Variants in SAP130 observed in about 807,000 individuals in gnomAD.
The protein encoded by SAP130 is histone deacetylase complex subunit SAP130.
SAP130 carries 16 observed loss-of-function variants against 103.2 expected under a neutral mutation model. That is an observed-to-expected ratio of 0.16 (90% confidence interval 0.10 to 0.24). The LOEUF (loss-of-function observed/expected upper bound fraction) is 0.24, where lower values mean the gene tolerates loss of function less well. Ranked by LOEUF, SAP130 falls within the 10% of genes least tolerant of loss-of-function variation. SAP130 has a pLI of 1.00. For missense variants in SAP130, 990 were observed against 1,359.7 expected (o/e 0.73, Z 4.28); for synonymous variants, 477 against 497.0 (o/e 0.96, Z 0.53).
At chr2:127,959,123 A>C (rs928045529) in intron 15 of SAP130, among the ~76,000 whole-genome samples, 1 of 150,016 alleles carries the variant, frequency 6.7e-6, no homozygotes, top group African/African-American at 2.4e-5. Context: ...GAGCTGCTGA[A>C]AAGTGAGGAG....
At chr2:127,959,324 G>C (rs967253353) in intron 15 of SAP130, among the ~76,000 whole-genome samples, 7 of 152,188 alleles carry the variant, frequency 4.6e-5, no homozygotes, top group Non-Finnish European at 8.8e-5. Flanking sequence ...CCAAGAAAAA[G>C]GGGTGGCTTG....
chr2:127,951,123 A>T (rs1244493592), intron 16 of SAP130, among the ~76,000 whole-genome samples: 1 of 152,230 alleles, frequency 6.6e-6, no homozygotes, highest in African/African-American at 2.4e-5. Context: ...CACAAGTCAC[A>T]CAAGTATGAA....
At position 127,986,720 on chromosome 2, in the gene SAP130, C is replaced by T. The variant is rs1276920669; in HGVS notation, c.1958+65G>A. The T allele has an allele frequency of 2.1e-6, 3 of 1,460,840 alleles. No homozygotes were observed. The African/African-American group carries it at 4.2e-5, about 20-fold the overall frequency. 90.5% of individuals were successfully genotyped at this position (1,460,840 alleles called of 1,614,324 possible). On this transcript the variant is annotated intron_variant, in intron 14 of 20. Transcript: ENST00000643581. This position sits in a 1 kb window ranked among gnomAD's most constrained non-coding sequence, Gnocchi z 4.7. ...TTGATACCAGCATTAGATAAGAGTG[C>T]CTATTATGTATACCAGTTATATCCA...
At chr2:127,962,040 A>G (rs1483155455) in intron 15 of SAP130, among the ~76,000 whole-genome samples, 1 of 152,220 alleles carries the variant, frequency 6.6e-6, no homozygotes, top group African/African-American at 2.4e-5. Context: ...TCTGAATAAT[A>G]AATTACCACA....
At chr2:128,016,311 A>G in intron 4 of SAP130, 78 bp downstream of exon 4, 1 of 1,417,488 alleles carries the variant, frequency 7.1e-7, no homozygotes, top group African/African-American at 1.4e-5. Flanking sequence ...TGACTAATGT[A>G]CTGCTAGCAT....
chr2:127,952,277 C>A (rs542414111), intron 16 of SAP130, among the ~76,000 whole-genome samples: 29 of 151,802 alleles, frequency 1.9e-4, no homozygotes, highest in Non-Finnish European at 2.8e-4. Flanking sequence ...ATGGTGAAAC[C>A]CCATCTCTAC....
intron 15 of SAP130, among the ~76,000 whole-genome samples, chr2:127,956,438 G>A (rs1056322577): frequency 2.6e-5 from 4 of 152,034 alleles, no homozygotes; most frequent in Non-Finnish European, 5.9e-5. Flanking sequence ...CCTGGGGCTT[G>A]CATTTGGCGT....
chr2:127,942,199 C>T lies in SAP130; in HGVS notation c.3016-35G>A, dbSNP rs758403332. On this transcript the variant is annotated intron_variant, in intron 20 of 20. Coordinates refer to ENST00000643581, the MANE Select transcript of SAP130 (RefSeq NM_001330301.2). This position sits in a 1 kb window ranked among gnomAD's most constrained non-coding sequence, Gnocchi z 4.8. ...AAGACATTGCATCATCAATCAGTGA[C>T]CATGAGGATAGTACAGCTTTTAAAA... 13 of 1,558,606 alleles carry T rather than the reference C, an allele frequency of 8.3e-6. No homozygotes were observed. The East Asian group carries it at 2.5e-4, about 30-fold the overall frequency.
chr2:128,003,107 C>A (rs544306168), intron 7 of SAP130, among the ~76,000 whole-genome samples: 1 of 150,738 alleles, frequency 6.6e-6, no homozygotes, highest in Non-Finnish European at 1.5e-5. Context: ...CCAGCCTGGG[C>A]GACACATGAG....
intron 11 of SAP130, 32 bp from the exon 12 acceptor site, chr2:127,993,340 T>G (rs377017295): frequency 2.5e-6 from 4 of 1,575,428 alleles, no homozygotes; most frequent in Non-Finnish European, 3.4e-6. Flanking sequence ...GCAAACAAAA[T>G]AGTCATTTTC....
chr2:127,993,703 C>G (rs192569897), intron 11 of SAP130, among the ~76,000 whole-genome samples: 2 of 152,252 alleles, frequency 1.3e-5, no homozygotes, highest in South Asian at 2.1e-4. Context: ...CAATTTCATT[C>G]AAACTGCTTC....
At chr2:128,008,860 T>C (rs1684175458) in intron 7 of SAP130, among the ~76,000 whole-genome samples, 1 of 152,008 alleles carries the variant, frequency 6.6e-6, no homozygotes. Flanking sequence ...TACTTTTTTA[T>C]TTTTTAAAGA....
At chr2:127,990,495 T>C (rs1315541547) in intron 12 of SAP130, among the ~76,000 whole-genome samples, 1 of 152,220 alleles carries the variant, frequency 6.6e-6, no homozygotes, top group Non-Finnish European at 1.5e-5. Context: ...TGTTGGAACT[T>C]GTTTTCAAAG....
chr2:128,016,172 CT>C (rs1684762309), intron 4 of SAP130, among the ~76,000 whole-genome samples: 1 of 151,950 alleles, frequency 6.6e-6, no homozygotes, highest in Non-Finnish European at 1.5e-5. Flanking sequence ...CTAGTAGCTG[CT>C]CAATAAATTC....
At chr2:128,023,054 C>T (rs912081352) in intron 2 of SAP130, among the ~76,000 whole-genome samples, 12 of 150,984 alleles carry the variant, frequency 7.9e-5, no homozygotes, top group East Asian at 3.9e-4. Context: ...AGTGCAGTGG[C>T]GCTATCTTGG....
At chr2:127,964,423 G>A (rs1680484232) in intron 15 of SAP130, among the ~76,000 whole-genome samples, 1 of 150,442 alleles carries the variant, frequency 6.6e-6, no homozygotes, top group Admixed American at 6.7e-5. Context: ...GAATCCAGGA[G>A]GTGGAGTTTG....
In SAP130 at chr2:127,950,774, G is replaced by A. The variant is rs563206966; in HGVS notation, c.2423-366C>T. ...GAGAGAGAGCAGGTGTGATCTCCTT[G>A]TCTTCTTTCTGTGATCCTGGAACTC... On this transcript the variant is annotated intron_variant, in intron 16 of 20. Transcript: ENST00000643581. 9.3e-4 allele frequency among the ~76,000 whole-genome samples: 141 copies of A among 152,270 alleles called. No homozygotes were observed. In the Middle Eastern group the frequency reaches 0.01, roughly 11 times the overall value.
chr2:127,969,001 AT>A (rs1323751364), intron 15 of SAP130, among the ~76,000 whole-genome samples: 1 of 152,166 alleles, frequency 6.6e-6, no homozygotes, highest in Non-Finnish European at 1.5e-5. Flanking sequence ...ATAACTTACT[AT>A]TTATCTTTCC....
At chr2:127,982,568 G>C (rs943226815) in intron 14 of SAP130, among the ~76,000 whole-genome samples, 1 of 152,210 alleles carries the variant, frequency 6.6e-6, no homozygotes, top group Non-Finnish European at 1.5e-5. Context: ...AGAAGGAAAC[G>C]TAAAATAGTT....
Sources: gnomAD v4.1 joint callset for allele counts (sites outside exome capture counted in the v4.1 genomes callset) on GRCh38, gnomAD v4.1.1 for gene constraint, Gnocchi (gnomAD v3.1) non-coding constraint, MANE v1.5 for transcripts, NCBI Gene and HGNC (gene_info 2026-07-23, HGNC 2026-07-21) for gene names.